The following CISD3 variants were observed in gnomAD, a reference collection of about 807,000 sequenced individuals.
CISD3 encodes CDGSH iron sulfur domain 3.
A neutral mutation model predicts 14.1 loss-of-function variants in CISD3; 11 were observed. The ratio of observed to expected loss-of-function variants is 0.78; its 90% CI spans 0.49 to 1.29. The LOEUF is 1.29. Among genes scored for constraint, CISD3 ranks in the 50% most tolerant of loss-of-function variants. The pLI is 0.00. For synonymous variants in CISD3, 53 were observed against 69.2 expected, an observed-to-expected ratio of 0.77 and a Z score of 1.16; for missense variants, 156 against 171.6, an observed-to-expected ratio of 0.91 and a Z score of 0.51.
Position 38,733,760 on chromosome 17 carries a change from G to C in CISD3, c.*305G>C, listed in dbSNP as rs1188342222. ...TCCTGCTCCAGATTTTAACCTCTCT[G>C]TGGGCTGGGGGCACCTGACCAGCCA... On this transcript the variant is annotated 3_prime_UTR_variant, in exon 4 of 4. Transcript: ENST00000613478. 2 of 345,148 alleles carry C rather than the reference G, an allele frequency of 5.8e-6. No individual in the cohort carries two copies. The highest frequency in any genetic ancestry group is 1.1e-5 in the Non-Finnish European group (2 of 190,118). 21.4% of individuals were successfully genotyped at this position (345,148 alleles called of 1,614,324 possible).
chr17:38,730,712 T>A, intron 1 of CISD3, 48 bp from the exon 2 acceptor site: 1 of 1,549,510 alleles, frequency 6.5e-7, no homozygotes, highest in South Asian at 1.2e-5. Flanking sequence ...ATTTTTCCGT[T>A]TCCAAACCAC....
At position 38,735,599 on chromosome 17, in the gene CISD3, T is replaced by A. The variant is rs773177453; in HGVS notation, c.*2144T>A. 1.9e-6 allele frequency: 3 copies of A among 1,560,322 alleles called. No homozygotes were observed. The highest frequency in any genetic ancestry group is 8.7e-7 in the Non-Finnish European group (1 of 1,148,820). On this transcript the variant is annotated 3_prime_UTR_variant, in exon 4 of 4. Coordinates refer to ENST00000613478, the MANE Select transcript of CISD3 (RefSeq NM_001136498.2). ...ACGGTACTTGAGGGGGAGAGGCCCG[T>A]TCTGCGGGGAGAGTGGGGAGGAGAG...
At chr17:38,731,682 G>A (rs1007095653) in intron 3 of CISD3, 67 of 532,702 alleles carry the variant, frequency 1.3e-4, no homozygotes, top group Non-Finnish European at 2.1e-4. Flanking sequence ...GGCTTCCAGT[G>A]GGCTCTTCTG....
rs1271417596 is a variant in CISD3, at chr17:38,731,418, G to A, written c.183G>A (p.Val61=). The stretch of plus-strand genomic sequence containing the variant: ...CAGGGAAAACCTACAGGTGGTGTGT[G>A]TGTGGCCGCAGCAAGAAGCAGGTGA... The part of the protein sequence containing the change: ...LVAGKTYRWC[V]CGRSKKQPFC... The change falls in exon 3 of 4, where the codon GTG becomes GTA. Residue 61 remains valine (V), a synonymous_variant. Transcript: ENST00000613478. The A allele has an allele frequency of 6.4e-7, 1 of 1,551,658 alleles. No homozygotes were observed. Among genetic ancestry groups the A allele is most frequent in the Non-Finnish European group, 8.7e-7 (1 of 1,146,960 alleles).
chr17:38,733,463 G>A lies in CISD3; in HGVS notation c.*8G>A. 2.0e-6 allele frequency: 3 copies of A among 1,515,178 alleles called. No homozygotes were observed. The South Asian group carries it at 3.8e-5, about 19-fold the overall frequency. 93.9% of individuals were successfully genotyped at this position (1,515,178 alleles called of 1,614,324 possible). A position where few individuals can be genotyped will look rare whatever the true frequency, so the allele number is the denominator to read the frequency against. ...GTGGGCTCCCCACTCTGAGGGGGCT[G>A]CTGCTGTCCAGCCACAGGTGGCCTT... On this transcript the variant is annotated 3_prime_UTR_variant, in exon 4 of 4. Coordinates refer to ENST00000613478, the MANE Select transcript of CISD3 (RefSeq NM_001136498.2).
rs1469106849 is a variant in CISD3, at chr17:38,733,777, G to A, written c.*322G>A. The stretch of plus-strand genomic sequence containing the variant: ...ACCTCTCTGTGGGCTGGGGGCACCT[G>A]ACCAGCCACAGGAGAGGGCAGTTCA... On this transcript the variant is annotated 3_prime_UTR_variant, in exon 4 of 4. Coordinates refer to ENST00000613478, the MANE Select transcript of CISD3 (RefSeq NM_001136498.2). 4 of 319,342 alleles carry A rather than the reference G, an allele frequency of 1.3e-5. No individual in the cohort carries two copies. The highest frequency in any genetic ancestry group is 9.0e-5 in the Admixed American group (2 of 22,222). 19.8% of individuals were successfully genotyped at this position (319,342 alleles called of 1,614,324 possible). A position where few individuals can be genotyped will look rare whatever the true frequency, so the allele number is the denominator to read the frequency against.
Position 38,735,048 on chromosome 17 carries a change from A to G in CISD3, c.*1593A>G, listed in dbSNP as rs1830131138. ...TAATCTGGTTGGTCCATAGAAAATA[A>G]GTATGTATATTTGGTTTTTCCTATG... On this transcript the variant is annotated 3_prime_UTR_variant, in exon 4 of 4. Coordinates refer to ENST00000613478, the MANE Select transcript of CISD3 (RefSeq NM_001136498.2). 2.4e-6 allele frequency: 1 copy of G among 420,898 alleles called. No individual in the cohort carries two copies. Among genetic ancestry groups the G allele is most frequent in the South Asian group, 1.3e-4 (1 of 7,826 alleles). The allele number at this position is 420,898 out of a possible 1,614,324, so 26.1% of individuals were successfully genotyped here. A position where few individuals can be genotyped will look rare whatever the true frequency, so the allele number is the denominator to read the frequency against.
In CISD3 at chr17:38,735,388, A is replaced by G. The variant is rs774589549; in HGVS notation, c.*1933A>G. On this transcript the variant is annotated 3_prime_UTR_variant, in exon 4 of 4. Coordinates refer to ENST00000613478, the MANE Select transcript of CISD3 (RefSeq NM_001136498.2). Reference sequence around the variant, plus strand: ...AGGTAGGGTGGGTGGCTGGAGGCCCATGGGAACTGGGAGAGCCATGGGATG... The same window carrying G: ...AGGTAGGGTGGGTGGCTGGAGGCCCGTGGGAACTGGGAGAGCCATGGGATG... 1.3e-6 allele frequency: 2 copies of G among 1,568,298 alleles called. No individual in the cohort carries two copies. The highest frequency in any genetic ancestry group is 1.7e-6 in the Non-Finnish European group (2 of 1,155,746).
intron 3 of CISD3, among the ~76,000 whole-genome samples, chr17:38,732,618 CAG>C (rs1259498097): frequency 6.6e-6 from 1 of 152,044 alleles, no homozygotes; most frequent in Non-Finnish European, 1.5e-5. Flanking sequence ...GCCTGGGCAA[CAG>C]AGTGAGACCC....
chr17:38,731,569 CA>C, intron 3 of CISD3, 130 bp downstream of exon 3: 1 of 1,253,900 alleles, frequency 8.0e-7, no homozygotes, highest in Non-Finnish European at 1.1e-6. Flanking sequence ...GGCTTGGGAA[CA>C]AAAGGCCAGT....
Position 38,732,506 on chromosome 17 carries a change from G to A in CISD3, c.205-770G>A, listed in dbSNP as rs544946316. On this transcript the variant is annotated intron_variant, in intron 3 of 3. Transcript: ENST00000613478. ...ACCCCCACCAAAGACTAGCATGGAGGCAGGCCTGTGTTCCCAGCCATACTG... is the reference window on the plus strand; with the variant it reads ...ACCCCCACCAAAGACTAGCATGGAGACAGGCCTGTGTTCCCAGCCATACTG... Among the ~76,000 whole-genome samples, 13 of 152,262 alleles carry A rather than the reference G, an allele frequency of 8.5e-5. No individual in the cohort carries two copies. In the East Asian group the frequency reaches 2.3e-3, roughly 27 times the overall value.
Position 38,735,213 on chromosome 17 carries a change from G to T in CISD3, c.*1758G>T. The T allele has an allele frequency of 7.1e-7, 1 of 1,408,604 alleles. No homozygotes were observed. The highest frequency in any genetic ancestry group is 9.3e-7 in the Non-Finnish European group (1 of 1,071,754). 87.3% of individuals were successfully genotyped at this position (1,408,604 alleles called of 1,614,324 possible). On this transcript the variant is annotated 3_prime_UTR_variant, in exon 4 of 4. Transcript: ENST00000613478. ...AGGCTTGGCTGGAAGAAGGGAGAGG[G>T]TCCCTGGCCTCAAGTTAAGGGGGGC... is the stretch of plus-strand genomic sequence containing the variant.
chr17:38,731,234 C>A (rs1906319568), intron 2 of CISD3, 86 bp from the exon 3 acceptor site: 2 of 1,506,660 alleles, frequency 1.3e-6, no homozygotes, highest in Admixed American at 4.2e-5. Context: ...ACACACAGGC[C>A]AGTGGGAAAC....
Position 38,735,468 on chromosome 17 carries a change from G to A in CISD3, c.*2013G>A. 6.3e-7 allele frequency: 1 copy of A among 1,591,020 alleles called. No individual in the cohort carries two copies. Among genetic ancestry groups the A allele is most frequent in the Non-Finnish European group, 8.6e-7 (1 of 1,168,898 alleles). On this transcript the variant is annotated 3_prime_UTR_variant, in exon 4 of 4. Transcript: ENST00000613478. ...GTGGCTGGCAGGGTGGCAGGGCTGG[G>A]AGCCTTGTCGCTGACTGACTCACAC...
Position 38,735,514 on chromosome 17 carries a change from G to C in CISD3, c.*2059G>C. 6.3e-7 allele frequency: 1 copy of C among 1,591,650 alleles called. No individual in the cohort carries two copies. Among genetic ancestry groups the C allele is most frequent in the Non-Finnish European group, 8.6e-7 (1 of 1,169,240 alleles). ...CACACTCGGACGCCCCGCTGGTGTTGGTGCCCTCGGAGGGGGTGGGCACCG... is the reference window on the plus strand; with the variant it reads ...CACACTCGGACGCCCCGCTGGTGTTCGTGCCCTCGGAGGGGGTGGGCACCG... On this transcript the variant is annotated 3_prime_UTR_variant, in exon 4 of 4. Transcript: ENST00000613478.
Position 38,735,519 on chromosome 17 carries a change from C to T in CISD3, c.*2064C>T. On this transcript the variant is annotated 3_prime_UTR_variant, in exon 4 of 4. Transcript: ENST00000613478. Reference sequence around the variant, plus strand: ...TCGGACGCCCCGCTGGTGTTGGTGCCCTCGGAGGGGGTGGGCACCGTGGCT... The same window carrying T: ...TCGGACGCCCCGCTGGTGTTGGTGCTCTCGGAGGGGGTGGGCACCGTGGCT... 1.3e-6 allele frequency: 2 copies of T among 1,590,844 alleles called. No homozygotes were observed. Among genetic ancestry groups the T allele is most frequent in the Non-Finnish European group, 1.7e-6 (2 of 1,168,806 alleles).
At position 38,735,368 on chromosome 17, in the gene CISD3, G is replaced by C. The variant is rs868824192; in HGVS notation, c.*1913G>C. Reference sequence around the variant, plus strand: ...TGTCGAAGGGGGAGTGGGGGAGGTAGGGTGGGTGGCTGGAGGCCCATGGGA... The same window carrying C: ...TGTCGAAGGGGGAGTGGGGGAGGTACGGTGGGTGGCTGGAGGCCCATGGGA... On this transcript the variant is annotated 3_prime_UTR_variant, in exon 4 of 4. Transcript: ENST00000613478. 2.6e-6 allele frequency: 4 copies of C among 1,563,472 alleles called. No individual in the cohort carries two copies. In the Middle Eastern group the frequency reaches 6.7e-4, roughly 261 times the overall value.
At chr17:38,731,875 G>A (rs988612636) in intron 3 of CISD3, 2 of 184,448 alleles carry the variant, frequency 1.1e-5, no homozygotes, top group East Asian at 1.5e-4. Context: ...CTTAGCTTCC[G>A]AGATCAGATG....
rs1060338 is a variant in CISD3, at chr17:38,734,955, A to C, written c.*1500A>C. ...CAGCAAATTACACAAGACCCCCCCCAAAAAAAATGAACACCATTTTCCACA... is the reference window on the plus strand; with the variant it reads ...CAGCAAATTACACAAGACCCCCCCCCAAAAAAATGAACACCATTTTCCACA... On this transcript the variant is annotated 3_prime_UTR_variant, in exon 4 of 4. Transcript: ENST00000613478. The C allele has an allele frequency of 0.32, 77,044 of 237,698 alleles. 13,956 individuals are homozygous for C. Among genetic ancestry groups the C allele is most frequent in the Non-Finnish European group, 0.39 (48,769 of 125,366 alleles). The allele number at this position is 237,698 out of a possible 1,614,324, so 14.7% of individuals were successfully genotyped here. A position where few individuals can be genotyped will look rare whatever the true frequency, so the allele number is the denominator to read the frequency against.
Sources: gnomAD v4.1 joint callset for allele counts (sites outside exome capture counted in the v4.1 genomes callset) on GRCh38, gnomAD v4.1.1 for gene constraint, MANE v1.5 for transcripts, NCBI Gene and HGNC (gene_info 2026-07-23, HGNC 2026-07-21) for gene names.